ELF2: variants seen among roughly 807,000 people sequenced by gnomAD.
The protein encoded by ELF2 is E74 like ETS transcription factor 2, also known as ETS-related transcription factor Elf-2.
ELF2 carries 11 observed loss-of-function variants against 54.8 expected under a neutral mutation model. The ratio of observed to expected loss-of-function variants is 0.20; its 90% confidence interval spans 0.13 to 0.33. The LOEUF is 0.33. Among genes scored for constraint, ELF2 ranks in the 10% least tolerant of loss-of-function variants. ELF2 has a pLI of 1.00. For synonymous variants in ELF2, 203 were observed against 245.1 expected (o/e 0.83, Z 1.61); for missense variants, 513 against 703.0 (o/e 0.73, Z 3.06).
At chr4:139,166,127 C>G (rs1741697576) in intron 1 of ELF2, among the ~76,000 whole-genome samples, 1 of 151,962 alleles carries the variant, frequency 6.6e-6, no homozygotes, top group Admixed American at 6.6e-5. Context: ...CACCTGAGGT[C>G]AGGTGTTCGA....
At chr4:139,070,440 A>T (rs1045149115) in intron 6 of ELF2, among the ~76,000 whole-genome samples, 1 of 151,878 alleles carries the variant, frequency 6.6e-6, no homozygotes, top group Non-Finnish European at 1.5e-5. Flanking sequence ...ACAGGCATGC[A>T]ACACCACGGC....
In ELF2 at chr4:139,070,297, G is replaced by GT. The variant is rs964317787; in HGVS notation, c.526+1568dup. Among the ~76,000 whole-genome samples the GT allele has an allele frequency of 2.0e-3, 296 of 144,546 alleles. 1 individual carries two copies. Among genetic ancestry groups the GT allele is most frequent in the Middle Eastern group, 3.6e-3 (1 of 278 alleles). The allele number at this position is 144,546 out of a possible 152,430, so 94.8% of individuals were successfully genotyped here. ...TTTTCCATCTTCTTTTAAATGTGGT[G>GT]TTTTTTTTTTTGAGACAGAGTCTTA... On this transcript the variant is annotated intron_variant, in intron 6 of 9. Transcript: ENST00000686138.
At chr4:139,084,438 G>C (rs879204000) in intron 4 of ELF2, 30 of 1,118,256 alleles carry the variant, frequency 2.7e-5, no homozygotes, top group South Asian at 1.1e-4. Context: ...GCAGGGGCAG[G>C]GGCGGCGGCG....
At chr4:139,150,458 G>T (rs1351696534) in intron 1 of ELF2, among the ~76,000 whole-genome samples, 1 of 149,786 alleles carries the variant, frequency 6.7e-6, no homozygotes, top group Non-Finnish European at 1.5e-5. Context: ...GATTGAGGCT[G>T]CAGTAAGCCG....
intron 1 of ELF2, among the ~76,000 whole-genome samples, chr4:139,169,810 T>C (rs974737427): frequency 1.4e-5 from 2 of 146,010 alleles, no homozygotes; most frequent in African/African-American, 5.1e-5. Context: ...TAAACTGAGA[T>C]CTCGCCACTG....
At chr4:139,148,831 A>G (rs2148880218) in intron 1 of ELF2, among the ~76,000 whole-genome samples, 1 of 152,342 alleles carries the variant, frequency 6.6e-6, no homozygotes, top group African/African-American at 2.4e-5. Context: ...TGGCTACACC[A>G]TTTCACATTC....
chr4:139,092,965 ATTT>A (rs771791854), intron 4 of ELF2, among the ~76,000 whole-genome samples: 2 of 136,600 alleles, frequency 1.5e-5, no homozygotes, highest in Non-Finnish European at 3.2e-5. Flanking sequence ...ATAGTAAATA[ATTT>A]TTTTTTTTTT....
At position 139,061,892 on chromosome 4, in the gene ELF2, T is replaced by G. The variant is rs910377123; in HGVS notation, c.779A>C (p.Asn260Thr). The G allele has an allele frequency of 1.2e-6, 2 of 1,613,634 alleles. No individual in the cohort carries two copies. Among genetic ancestry groups the G allele is most frequent in the African/African-American group, 1.3e-5 (1 of 74,924 alleles). Residue 260 changes from asparagine (N) to threonine (T), a missense_variant, in exon 8 of 10, where the codon AAC becomes ACC. Transcript: ENST00000686138. ...CAAAGCTCGTCCCATGGTTTCATAG[T>G]TCATGTCTGGTTTGTTCTTATGCTT... ...WGKHKNKPDM[N>T]YETMGRALRY... is the part of the protein sequence containing the mutation.
At chr4:139,142,260 A>C (rs940287660) in intron 1 of ELF2, among the ~76,000 whole-genome samples, 1 of 152,198 alleles carries the variant, frequency 6.6e-6, no homozygotes, top group African/African-American at 2.4e-5. Flanking sequence ...AAAACCCAAA[A>C]GTAGAAGTGA....
intron 4 of ELF2, among the ~76,000 whole-genome samples, chr4:139,105,726 AAAG>A (rs1331226964): frequency 1.3e-5 from 2 of 152,174 alleles, no homozygotes; most frequent in African/African-American, 4.8e-5. Context: ...CCCTACCAAA[AAAG>A]AAATGATAAA....
intron 3 of ELF2, chr4:139,136,992 A>C (rs1444845202): frequency 1.3e-5 from 2 of 152,254 alleles, no homozygotes; most frequent in African/African-American, 4.8e-5. Flanking sequence ...CTGAATGCTA[A>C]GAACAGAAGC....
At chr4:139,122,379 C>T (rs938352041) in intron 4 of ELF2, among the ~76,000 whole-genome samples, 1 of 152,182 alleles carries the variant, frequency 6.6e-6, no homozygotes, top group East Asian at 1.9e-4. Flanking sequence ...TAATTCACTA[C>T]CTAAAAGGAA....
Position 139,161,652 on chromosome 4 carries a change from TA to T in ELF2, c.-252+15314del, listed in dbSNP as rs57452146. On this transcript the variant is annotated intron_variant, in intron 1 of 9. Coordinates refer to ENST00000686138, the MANE Select transcript of ELF2 (RefSeq NM_001331036.3). ...CACAAATAGTCTACGTAAAACTGTTTAAAAAAAAAAAAAAAAAAAAAAAAAA... is the reference window on the plus strand; with the variant it reads ...CACAAATAGTCTACGTAAAACTGTTTAAAAAAAAAAAAAAAAAAAAAAAAA... 4.8e-3 allele frequency among the ~76,000 whole-genome samples: 336 copies of T among 70,022 alleles called. 2 individuals are homozygous for T. The highest frequency in any genetic ancestry group is 0.029 in the East Asian group (64 of 2,220). 45.9% of individuals were successfully genotyped at this position (70,022 alleles called of 152,430 possible).
At chr4:139,123,053 G>A (rs1228295557) in intron 4 of ELF2, among the ~76,000 whole-genome samples, 1 of 151,618 alleles carries the variant, frequency 6.6e-6, no homozygotes, top group East Asian at 2.0e-4. Context: ...GCGTGGTGGT[G>A]TGCACCTGTA....
intron 3 of ELF2, among the ~76,000 whole-genome samples, chr4:139,132,804 C>A (rs902729028): frequency 2.1e-5 from 3 of 144,356 alleles, no homozygotes; most frequent in Non-Finnish European, 3.0e-5. Flanking sequence ...TTTAATTTTG[C>A]AAGTACTCAA....
At chr4:139,156,697 T>A (rs1391167588) in intron 1 of ELF2, among the ~76,000 whole-genome samples, 1 of 152,030 alleles carries the variant, frequency 6.6e-6, no homozygotes, top group Non-Finnish European at 1.5e-5. Flanking sequence ...TGGAGTGCAG[T>A]GGTGCCATCT....
intron 7 of ELF2, 50 bp from the exon 8 acceptor site, chr4:139,062,107 T>C (rs771058129): frequency 6.6e-7 from 1 of 1,515,390 alleles, no homozygotes; most frequent in Non-Finnish European, 9.0e-7. Flanking sequence ...CATAATTAAA[T>C]ACATAATTAA....
intron 4 of ELF2, among the ~76,000 whole-genome samples, chr4:139,105,925 T>G (rs1012166304): frequency 6.6e-6 from 1 of 152,200 alleles, no homozygotes; most frequent in African/African-American, 2.4e-5. Context: ...ACAGCAGCCT[T>G]ATCACCTAGG....
intron 1 of ELF2, among the ~76,000 whole-genome samples, chr4:139,164,307 A>G (rs904905373): frequency 3.3e-5 from 5 of 152,166 alleles, no homozygotes; most frequent in Non-Finnish European, 4.4e-5. Flanking sequence ...TAAGTTGGCT[A>G]TAAATAAAAG....
Sources: gnomAD v4.1 joint callset for allele counts (sites outside exome capture counted in the v4.1 genomes callset) on GRCh38, gnomAD v4.1.1 for gene constraint, MANE v1.5 for transcripts, NCBI Gene and HGNC (gene_info 2026-07-23, HGNC 2026-07-21) for gene names.